The following NRXN1 variants were observed in gnomAD, a reference collection of about 807,000 sequenced individuals.
NRXN1 encodes the protein neurexin 1.
NRXN1 carries 39 observed loss-of-function variants against 150.9 expected under a neutral mutation model. That is an observed-to-expected ratio of 0.26 (90% CI 0.20 to 0.34). NRXN1 has a LOEUF of 0.34. Among genes scored for constraint, NRXN1 ranks in the 10% least tolerant of loss-of-function variants. The pLI is 1.00. For missense variants in NRXN1, 1,815 were observed against 1,949.9 expected, an observed-to-expected ratio of 0.93 and a Z score of 1.30; for synonymous variants, 924 against 757.0, an observed-to-expected ratio of 1.22 and a Z score of -3.62.
intron 18 of NRXN1, among the ~76,000 whole-genome samples, chr2:50,128,605 T>A (rs1479712993): frequency 6.6e-6 from 1 of 152,174 alleles, no homozygotes; most frequent in African/African-American, 2.4e-5. Context: ...AATTGCTGAA[T>A]ACACATCTGA....
chr2:50,209,616 C>A (rs780036526), intron 18 of NRXN1, among the ~76,000 whole-genome samples: 2 of 152,140 alleles, frequency 1.3e-5, no homozygotes, highest in East Asian at 1.9e-4. Context: ...CAAAATTATA[C>A]CCTTTGAGAA....
chr2:50,746,516 A>T (rs1002990569), intron 5 of NRXN1, among the ~76,000 whole-genome samples: 37 of 151,928 alleles, frequency 2.4e-4, no homozygotes, highest in African/African-American at 8.9e-4. Context: ...CATGATTATG[A>T]TACTACACTG....
intron 5 of NRXN1, among the ~76,000 whole-genome samples, chr2:50,885,146 A>G (rs2103747639): frequency 6.6e-6 from 1 of 151,636 alleles, no homozygotes; most frequent in Non-Finnish European, 1.5e-5. Flanking sequence ...GTAACACAAA[A>G]GGGCTCATCT....
At chr2:50,513,476 C>T (rs895963650) in intron 12 of NRXN1, among the ~76,000 whole-genome samples, 4 of 152,058 alleles carry the variant, frequency 2.6e-5, no homozygotes, top group African/African-American at 9.7e-5. Flanking sequence ...TATTTAATTC[C>T]TAAGCATTCA....
At chr2:50,977,052 G>C (rs1396600768) in intron 2 of NRXN1, among the ~76,000 whole-genome samples, 1 of 151,896 alleles carries the variant, frequency 6.6e-6, no homozygotes, top group Non-Finnish European at 1.5e-5. Context: ...CAGCATAACA[G>C]AATTATAGAG....
intron 18 of NRXN1, among the ~76,000 whole-genome samples, chr2:50,214,803 C>G (rs1169364387): frequency 6.6e-6 from 1 of 151,922 alleles, no homozygotes; most frequent in African/African-American, 2.4e-5. Flanking sequence ...CTGTATTGCA[C>G]CATGATGACT....
At chr2:50,808,752 A>C (rs1183162945) in intron 5 of NRXN1, among the ~76,000 whole-genome samples, 1 of 152,138 alleles carries the variant, frequency 6.6e-6, no homozygotes, top group African/African-American at 2.4e-5. Context: ...TCACACTTTT[A>C]TAACGATTTA....
chr2:50,595,327 T>C (rs896973478), intron 8 of NRXN1, among the ~76,000 whole-genome samples: 30 of 151,880 alleles, frequency 2.0e-4, no homozygotes, highest in African/African-American at 7.3e-4. Context: ...TGAGATGCCT[T>C]GATGTTATGC....
intron 18 of NRXN1, among the ~76,000 whole-genome samples, chr2:50,153,984 T>A (rs2058857428): frequency 6.6e-6 from 1 of 151,772 alleles, no homozygotes; most frequent in African/African-American, 2.4e-5. Context: ...AGATAGTTGC[T>A]GCTAAACTAA....
At chr2:50,853,885 C>T (rs1559354208) in intron 5 of NRXN1, among the ~76,000 whole-genome samples, 1 of 152,016 alleles carries the variant, frequency 6.6e-6, no homozygotes, top group Non-Finnish European at 1.5e-5. Flanking sequence ...GAACTTCCTG[C>T]CAATATAAAC....
chr2:50,246,359 C>G (rs897507634), intron 17 of NRXN1, among the ~76,000 whole-genome samples: 16 of 151,930 alleles, frequency 1.1e-4, no homozygotes, highest in African/African-American at 3.6e-4. Context: ...ATCCTTAATA[C>G]AAAAGAATAG....
intron 5 of NRXN1, among the ~76,000 whole-genome samples, chr2:50,801,120 T>A (rs1707527270): frequency 6.6e-6 from 1 of 152,150 alleles, no homozygotes; most frequent in Admixed American, 6.5e-5. Flanking sequence ...TTATCAATTA[T>A]TTTTTATGCA....
chr2:50,588,710 A>G (rs1274685132), intron 8 of NRXN1: 3 of 152,186 alleles, frequency 2.0e-5, no homozygotes, highest in African/African-American at 7.2e-5. Context: ...TGAGTTTGCT[A>G]GTACAATGCC....
chr2:50,158,167 C>T (rs2059142384), intron 18 of NRXN1, among the ~76,000 whole-genome samples: 1 of 150,062 alleles, frequency 6.7e-6, no homozygotes, highest in Non-Finnish European at 1.5e-5. Context: ...CCATTTTCCA[C>T]CACATCTGAT....
intron 8 of NRXN1, among the ~76,000 whole-genome samples, chr2:50,561,934 T>C (rs1374365078): frequency 1.3e-5 from 2 of 152,160 alleles, no homozygotes; most frequent in East Asian, 3.9e-4. Context: ...TCACCATAAC[T>C]TGGGGTTAAG....
At chr2:50,509,341 C>G (rs996364382) in intron 12 of NRXN1, among the ~76,000 whole-genome samples, 1 of 152,182 alleles carries the variant, frequency 6.6e-6, no homozygotes, top group Non-Finnish European at 1.5e-5. Context: ...ACACTGCTAG[C>G]AAATCCTACA....
At chr2:49,973,306 AAGC>A (rs1427381091) in intron 21 of NRXN1, among the ~76,000 whole-genome samples, 1 of 152,188 alleles carries the variant, frequency 6.6e-6, no homozygotes, top group African/African-American at 2.4e-5. Flanking sequence ...TTTTTTCAGT[AAGC>A]AGAATTAATG....
intron 21 of NRXN1, among the ~76,000 whole-genome samples, chr2:49,995,504 G>A (rs111977887): frequency 2.0e-5 from 3 of 151,978 alleles, no homozygotes; most frequent in African/African-American, 4.8e-5. Context: ...AAAAGAGGCC[G>A]GGCGCGGTGG....
chr2:51,001,511 T>C (rs1700076256), intron 2 of NRXN1, among the ~76,000 whole-genome samples: 1 of 152,006 alleles, frequency 6.6e-6, no homozygotes, highest in South Asian at 2.1e-4. Context: ...CACTTAGGCT[T>C]TGATCTCCTA....
Sources: allele counts gnomAD v4.1 joint callset (sites outside exome capture counted in the v4.1 genomes callset), GRCh38; gene constraint gnomAD v4.1.1; transcripts MANE v1.5; gene names NCBI Gene and HGNC (gene_info 2026-07-23, HGNC 2026-07-21).